DDX6: variants seen among roughly 807,000 people sequenced by gnomAD.
DDX6 encodes the protein DEAD-box helicase 6, also known as probable ATP-dependent RNA helicase DDX6.
DDX6 carries 7 observed loss-of-function variants against 60.6 expected under a neutral mutation model. The observed-to-expected ratio is 0.12, with a 90% CI of 0.07 to 0.22. DDX6 has a LOEUF of 0.22. Among genes scored for constraint, DDX6 ranks in the 10% least tolerant of loss-of-function variants. The probability of loss-of-function intolerance (pLI) is 1.00; values close to 1 mark genes in which losing one functional copy is unlikely to be tolerated. For synonymous variants in DDX6, 207 were observed against 201.0 expected (o/e 1.03, Z -0.25); for missense variants, 270 against 589.9 (o/e 0.46, Z 5.62).
intron 1 of DDX6, chr11:118,789,707 G>C (rs1591933537): frequency 6.6e-6 from 1 of 152,206 alleles, no homozygotes; most frequent in Admixed American, 6.5e-5. Flanking sequence ...AGAGCACTAA[G>C]AGGATGAAAA....
At chr11:118,781,039 T>G (rs554103782) in intron 3 of DDX6, 82 bp downstream of exon 3, 5 of 921,966 alleles carry the variant, frequency 5.4e-6, no homozygotes, top group East Asian at 2.6e-5. Flanking sequence ...CTGAAACCAA[T>G]TCCCTCCAGA....
intron 5 of DDX6, among the ~76,000 whole-genome samples, chr11:118,765,672 G>A (rs538724629): frequency 6.6e-6 from 1 of 152,176 alleles, no homozygotes; most frequent in African/African-American, 2.4e-5. Context: ...CTACTCAGGA[G>A]GCTGAGGCAG....
intron 2 of DDX6, among the ~76,000 whole-genome samples, 182 bp from the exon 3 acceptor site, chr11:118,781,366 TA>T (rs553633560): frequency 6.6e-6 from 1 of 152,078 alleles, no homozygotes; most frequent in Non-Finnish European, 1.5e-5. Context: ...CTCAGGAGGA[TA>T]AAAAAATCAA....
At chr11:118,775,567 G>A (rs1861671682) in intron 4 of DDX6, among the ~76,000 whole-genome samples, 1 of 151,990 alleles carries the variant, frequency 6.6e-6, no homozygotes, top group Non-Finnish European at 1.5e-5. Context: ...CAATACAAGT[G>A]GTGACCTTGA....
intron 12 of DDX6, 99 bp from the exon 13 acceptor site, chr11:118,754,986 G>T: frequency 9.8e-7 from 1 of 1,020,308 alleles, no homozygotes; most frequent in Non-Finnish European, 1.4e-6. Flanking sequence ...GATTGATAAT[G>T]ATGTTCAGTG....
chr11:118,779,584 A>T, intron 4 of DDX6, 48 bp downstream of exon 4: 1 of 1,264,148 alleles, frequency 7.9e-7, no homozygotes, highest in Non-Finnish European at 1.1e-6. Flanking sequence ...AAAACTGTTT[A>T]ATGGTTGACA....
chr11:118,760,445 G>A (rs1861125075), intron 7 of DDX6, among the ~76,000 whole-genome samples: 1 of 152,168 alleles, frequency 6.6e-6, no homozygotes, highest in Non-Finnish European at 1.5e-5. Flanking sequence ...TAGGACTACA[G>A]GCACATACCT....
chr11:118,757,202 G>C lies in DDX6; in HGVS notation c.1079C>G (p.Ser360Cys). 4 of 1,587,840 alleles carry C rather than the reference G, an allele frequency of 2.5e-6. No homozygotes were observed. Among genetic ancestry groups the C allele is most frequent in the Non-Finnish European group, 3.4e-6 (4 of 1,169,266 alleles). ...CATTTTAGCATGAATATAGAAGCAA[G>C]AATAACCCAGTTGAGAAATCTTCTT... ...LAKKISQLGY[S>C]CFYIHAKMRQ... Residue 360 changes from serine to cysteine, a missense_variant, in exon 10 of 14, where the codon TCT (serine) becomes TGT (cysteine). This residue lies in a region of DDX6 where 69 missense variants were observed against 208.2 expected (regional missense o/e 0.33). Coordinates refer to ENST00000534980, the MANE Select transcript of DDX6 (RefSeq NM_004397.6).
intron 7 of DDX6, among the ~76,000 whole-genome samples, chr11:118,760,472 A>G (rs1183134784): frequency 3.3e-5 from 5 of 152,120 alleles, no homozygotes; most frequent in Non-Finnish European, 7.4e-5. Flanking sequence ...CCAGCTCCAC[A>G]ACAGAATTTT....
At chr11:118,759,317 C>A (rs536699401) in intron 8 of DDX6, 4 of 158,184 alleles carry the variant, frequency 2.5e-5, no homozygotes, top group Admixed American at 6.4e-5. Flanking sequence ...CTCGGCCCCC[C>A]AAAGTGCTGG....
chr11:118,777,897 G>GAAAAAAAA (rs374046858), intron 4 of DDX6, among the ~76,000 whole-genome samples: 2 of 99,646 alleles, frequency 2.0e-5, no homozygotes, highest in African/African-American at 4.0e-5. Flanking sequence ...TCAAAAAAGA[G>GAAAAAAAA]AAAAAAAAAA....
intron 5 of DDX6, chr11:118,767,955 C>G (rs1200757470): frequency 9.3e-6 from 3 of 321,010 alleles, no homozygotes; most frequent in African/African-American, 2.2e-5. Flanking sequence ...ACCTATAGGG[C>G]ACTAATACTT....
intron 13 of DDX6, among the ~76,000 whole-genome samples, chr11:118,753,926 C>A (rs1411143023): frequency 1.3e-5 from 2 of 151,864 alleles, no homozygotes; most frequent in Middle Eastern, 3.2e-3. Flanking sequence ...GAAACTCCAA[C>A]TCTACTAAAA....
chr11:118,762,584 T>A (rs1473229073), intron 7 of DDX6, among the ~76,000 whole-genome samples: 2 of 152,198 alleles, frequency 1.3e-5, no homozygotes, highest in Non-Finnish European at 2.9e-5. Context: ...AGCTGCAGTT[T>A]GCTGCTGATG....
Position 118,751,432 on chromosome 11 carries a change from G to C in DDX6, c.*673C>G, listed in dbSNP as rs1349029344. 10 of 145,782 alleles carry C rather than the reference G, an allele frequency of 6.9e-5. No homozygotes were observed. Among genetic ancestry groups the C allele is most frequent in the Admixed American group, 4.8e-4 (7 of 14,562 alleles). 9.0% of individuals were successfully genotyped at this position (145,782 alleles called of 1,614,324 possible). A position where few individuals can be genotyped will look rare whatever the true frequency, so the allele number is the denominator to read the frequency against. Reference sequence around the variant, plus strand: ...TTGCATATCAACTCCTCCCCAAAAAGAAAAAAAAAATGGTGTTTAACATTA... The same window carrying C: ...TTGCATATCAACTCCTCCCCAAAAACAAAAAAAAAATGGTGTTTAACATTA... On this transcript the variant is annotated 3_prime_UTR_variant, in exon 14 of 14. Transcript: ENST00000534980.
intron 9 of DDX6, among the ~76,000 whole-genome samples, chr11:118,758,432 G>A (rs1555159471): frequency 6.6e-6 from 1 of 151,874 alleles, no homozygotes; most frequent in African/African-American, 2.4e-5. Flanking sequence ...GGAGTGCAAT[G>A]GTGCAATCTC....
Position 118,751,825 on chromosome 11 carries a change from T to TCCTTGTCC in DDX6, c.*272_*279dup. On this transcript the variant is annotated 3_prime_UTR_variant, in exon 14 of 14. Transcript: ENST00000534980. Reference sequence around the variant, plus strand: ...CTCCCCTTCTCTTCTTTCTTTTCCTTCCTTGTCCCCTTTCCCCAGAAAACA... The same window carrying TCCTTGTCC: ...CTCCCCTTCTCTTCTTTCTTTTCCTTCCTTGTCCCCTTGTCCCCTTTCCCCAGAAAACA... 2.4e-6 allele frequency: 1 copy of TCCTTGTCC among 408,696 alleles called. No homozygotes were observed. The highest frequency in any genetic ancestry group is 4.8e-6 in the Non-Finnish European group (1 of 208,434). 25.3% of individuals were successfully genotyped at this position (408,696 alleles called of 1,614,324 possible).
At chr11:118,768,987 C>CAAAAAAAATAA (rs1861444815) in intron 4 of DDX6, among the ~76,000 whole-genome samples, 1 of 39,976 alleles carries the variant, frequency 2.5e-5, no homozygotes, top group African/African-American at 1.0e-4. Flanking sequence ...CGTCTCATCT[C>CAAAAAAAATAA]AAAAAAAAAA....
intron 13 of DDX6, among the ~76,000 whole-genome samples, 175 bp from the exon 14 acceptor site, chr11:118,752,272 T>C (rs1555157621): frequency 6.6e-6 from 1 of 152,180 alleles, no homozygotes; most frequent in Non-Finnish European, 1.5e-5. Flanking sequence ...AACCCTGAGA[T>C]AGATTGGGGG....
Sources: allele counts gnomAD v4.1 joint callset (sites outside exome capture counted in the v4.1 genomes callset), GRCh38; gene constraint gnomAD v4.1.1; regional missense constraint gnomAD v4.1.1; transcripts MANE v1.5; gene names NCBI Gene and HGNC (gene_info 2026-07-23, HGNC 2026-07-21).